Variants in TRPC4AP observed in about 807,000 individuals in gnomAD.
TRPC4AP encodes transient receptor potential cation channel subfamily C member 4 associated protein, also known as short transient receptor potential channel 4-associated protein.
Under a neutral mutation model 99.0 loss-of-function variants are expected in TRPC4AP, and 45 were observed. The observed-to-expected ratio is 0.45, with a 90% confidence interval of 0.36 to 0.58. The LOEUF is 0.58. Ranked by LOEUF, TRPC4AP falls within the 20% of genes least tolerant of loss-of-function variation. The probability of loss-of-function intolerance (pLI) is 0.00; values close to 1 mark genes in which losing one functional copy is unlikely to be tolerated. For synonymous variants in TRPC4AP, 408 were observed against 385.8 expected (o/e 1.06, Z -0.67); for missense variants, 879 against 985.3 (o/e 0.89, Z 1.44).
chr20:35,086,489 ATATATATGTGTATATATATGTG>A (rs2084865768), intron 1 of TRPC4AP, among the ~76,000 whole-genome samples: 1 of 127,968 alleles, frequency 7.8e-6, no homozygotes, highest in African/African-American at 3.8e-5. Context: ...GTGTGTGTAT[ATATATATGTGTATATATATGTG>A]TGTGTGTGTA....
chr20:35,077,416 T>C (rs1033532802), intron 2 of TRPC4AP, among the ~76,000 whole-genome samples: 2 of 152,220 alleles, frequency 1.3e-5, no homozygotes, highest in African/African-American at 4.8e-5. Flanking sequence ...ACATGGGTTT[T>C]AACTGCATTA....
chr20:35,054,189 G>T (rs79232133), intron 5 of TRPC4AP, among the ~76,000 whole-genome samples: 10 of 146,826 alleles, frequency 6.8e-5, no homozygotes, highest in Admixed American at 2.0e-4. Flanking sequence ...GGAGCTAAAT[G>T]TTTTTTTTTT....
At chr20:35,052,500 T>C (rs1436385338) in intron 5 of TRPC4AP, among the ~76,000 whole-genome samples, 4 of 152,120 alleles carry the variant, frequency 2.6e-5, no homozygotes, top group African/African-American at 9.7e-5. Flanking sequence ...GTTTATTTTT[T>C]TATCTTTTAT....
intron 7 of TRPC4AP, among the ~76,000 whole-genome samples, chr20:35,039,638 A>G (rs1361194104): frequency 6.6e-6 from 1 of 152,126 alleles, no homozygotes; most frequent in East Asian, 1.9e-4. Context: ...CCTGCTTTCC[A>G]GCTTCATGTG....
At position 35,016,093 on chromosome 20, in the gene TRPC4AP, T is replaced by C. The variant is rs767702571; in HGVS notation, c.1265A>G (p.Asn422Ser). The C allele has an allele frequency of 3.7e-6, 6 of 1,614,164 alleles. No homozygotes were observed. Among genetic ancestry groups the C allele is most frequent in the Non-Finnish European group, 5.1e-6 (6 of 1,180,020 alleles). ...CCTCCAAATCAGTTTGTCAAACAAATTATTAAGTCCAGGGATCAGCTTGAA... is the reference window on the plus strand; with the variant it reads ...CCTCCAAATCAGTTTGTCAAACAAACTATTAAGTCCAGGGATCAGCTTGAA... Reference protein sequence around the residue: ...AEFKLIPGLNNLFDKLIWRKH... With the variant: ...AEFKLIPGLNSLFDKLIWRKH... Residue 422 changes from asparagine (N) to serine (S), a missense_variant, in exon 10 of 19, where the codon AAT becomes AGT. Around this residue, in one of 3 missense-constraint regions of TRPC4AP, gnomAD observed 603 missense variants for 631.8 expected, o/e 0.95. Transcript: ENST00000252015.
chr20:35,057,982 G>A (rs1257652943), intron 3 of TRPC4AP, among the ~76,000 whole-genome samples: 1 of 152,060 alleles, frequency 6.6e-6, no homozygotes, highest in Non-Finnish European at 1.5e-5. Context: ...AGGTTTGGGG[G>A]TTATATGCAT....
intron 4 of TRPC4AP, among the ~76,000 whole-genome samples, chr20:35,055,765 T>G (rs1472770627): frequency 6.6e-6 from 1 of 152,098 alleles, no homozygotes; most frequent in Non-Finnish European, 1.5e-5. Flanking sequence ...TTTATCAGAC[T>G]CATTAACTGA....
intron 7 of TRPC4AP, among the ~76,000 whole-genome samples, chr20:35,043,298 G>A (rs1166887458): frequency 1.3e-5 from 2 of 149,442 alleles, no homozygotes; most frequent in African/African-American, 2.5e-5. Flanking sequence ...CCAGGCTGAA[G>A]TGCAGTGGTG....
intron 13 of TRPC4AP, among the ~76,000 whole-genome samples, chr20:35,008,262 C>G (rs1367760424): frequency 6.6e-6 from 1 of 152,174 alleles, no homozygotes; most frequent in Non-Finnish European, 1.5e-5. Flanking sequence ...AGAAGGTCTC[C>G]CTGTATTCAC....
At chr20:35,083,769 A>T (rs2146031435) in intron 1 of TRPC4AP, among the ~76,000 whole-genome samples, 1 of 151,736 alleles carries the variant, frequency 6.6e-6, no homozygotes, top group East Asian at 1.9e-4. Flanking sequence ...GCTACCAGAG[A>T]GTGTGCCCCA....
At chr20:35,020,402 C>T (rs962980505) in intron 9 of TRPC4AP, among the ~76,000 whole-genome samples, 12 of 152,316 alleles carry the variant, frequency 7.9e-5, no homozygotes, top group East Asian at 1.9e-4. Context: ...GGCTGTCCCG[C>T]GCTGCCTCAC....
intron 3 of TRPC4AP, among the ~76,000 whole-genome samples, chr20:35,062,291 T>C (rs959554801): frequency 9.2e-5 from 14 of 152,188 alleles, no homozygotes; most frequent in Admixed American, 2.0e-4. Context: ...TCTAGGTATA[T>C]ACCAAGGGAA....
rs192876714 is a variant in TRPC4AP, at chr20:35,052,551, A to G, written c.528+2425T>C. Among the ~76,000 whole-genome samples, 45 of 152,228 alleles carry G rather than the reference A, an allele frequency of 3.0e-4. No homozygotes were observed. The East Asian group carries it at 8.7e-3, about 29-fold the overall frequency. ...CACTCTGTCACCCACGCTGGAGTGC[A>G]GTGGTGCAATCTCAGCTCACTGCAA... is the stretch of plus-strand genomic sequence containing the variant. On this transcript the variant is annotated intron_variant, in intron 5 of 18. Transcript: ENST00000252015.
rs572371481 is a variant in TRPC4AP, at chr20:35,012,867, A to C, written c.1409+141T>G. On this transcript the variant is annotated intron_variant, in intron 11 of 18. Coordinates refer to ENST00000252015, the MANE Select transcript of TRPC4AP (RefSeq NM_015638.3). ...ACGGGAGGTCCGACTGCAGTGTCACACCTGCTAACACTGAGGGGACAGTGG... is the reference window on the plus strand; with the variant it reads ...ACGGGAGGTCCGACTGCAGTGTCACCCCTGCTAACACTGAGGGGACAGTGG... The C allele has an allele frequency of 7.7e-6, 6 of 780,580 alleles. No individual in the cohort carries two copies. The South Asian group carries it at 1.0e-4, about 13-fold the overall frequency. The allele number at this position is 780,580 out of a possible 1,614,324, so 48.4% of individuals were successfully genotyped here.
chr20:35,020,463 T>C, intron 9 of TRPC4AP, among the ~76,000 whole-genome samples: 1 of 152,040 alleles, frequency 6.6e-6, no homozygotes, highest in East Asian at 1.9e-4. Context: ...CCCTCCCACC[T>C]GGTACACTCT....
chr20:35,048,654 CATA>C (rs1261542474), intron 6 of TRPC4AP, among the ~76,000 whole-genome samples: 1 of 152,154 alleles, frequency 6.6e-6, no homozygotes, highest in African/African-American at 2.4e-5. Flanking sequence ...CCAAGATACC[CATA>C]ATGTTTGGTG....
Position 35,003,476 on chromosome 20 carries a change from G to T in TRPC4AP, c.2190C>A (p.His730Gln). The change falls in exon 18 of 19, where the codon CAC (histidine) becomes CAA (glutamine). Residue 730 changes from histidine (H) to glutamine (Q), a missense_variant. Coordinates refer to ENST00000252015, the MANE Select transcript of TRPC4AP (RefSeq NM_015638.3). ...GCTGCTGCCAGAAGCGCAGCAGGTT[G>T]TGGAAGTTGTTGAGCAGGAAGCCGG... ...KYPGFLLNNF[H>Q]NLLRFWQQHY... The T allele has an allele frequency of 6.2e-7, 1 of 1,614,144 alleles. No homozygotes were observed. Among genetic ancestry groups the T allele is most frequent in the Non-Finnish European group, 8.5e-7 (1 of 1,180,036 alleles).
chr20:35,018,326 G>T (rs1283312508), intron 9 of TRPC4AP, among the ~76,000 whole-genome samples: 1 of 152,138 alleles, frequency 6.6e-6, no homozygotes, highest in African/African-American at 2.4e-5. Flanking sequence ...CGGGCATGGT[G>T]GCTCACGCCT....
chr20:35,086,467 GTGTGTGTGTATGTGTGTGTA>G (rs1188270935), intron 1 of TRPC4AP, among the ~76,000 whole-genome samples: 8 of 74,140 alleles, frequency 1.1e-4, no homozygotes, highest in African/African-American at 2.6e-4. Flanking sequence ...GTGTGTGTGT[GTGTGTGTGTATGTGTGTGTA>G]TATATATATG....
Sources: gnomAD v4.1 joint callset for allele counts (sites outside exome capture counted in the v4.1 genomes callset) on GRCh38, gnomAD v4.1.1 for gene constraint, gnomAD v4.1.1 regional missense constraint, MANE v1.5 for transcripts, NCBI Gene and HGNC (gene_info 2026-07-23, HGNC 2026-07-21) for gene names.